Variants in RAG1 observed in about 807,000 individuals in gnomAD.
RAG1 encodes V(D)J recombination-activating protein 1.
Under a neutral mutation model 62.7 loss-of-function variants are expected in RAG1, and 35 were observed. The ratio of observed to expected loss-of-function variants is 0.56; its 90% confidence interval spans 0.43 to 0.74. RAG1 has a LOEUF of 0.74. RAG1 is among the 30% of genes least tolerant of loss of function. The pLI is 0.00. For synonymous variants in RAG1, 461 were observed against 470.3 expected, an observed-to-expected ratio of 0.98 and a Z score of 0.26; for missense variants, 1,169 against 1,278.6, an observed-to-expected ratio of 0.91 and a Z score of 1.31.
intron 2 of RAG1, among the ~76,000 whole-genome samples, chr11:36,526,429 C>A (rs1590665553): frequency 6.6e-6 from 1 of 152,196 alleles, no homozygotes; most frequent in East Asian, 1.9e-4. Flanking sequence ...TTTTTTATGG[C>A]TGCATAGTAT....
chr11:36,532,613 A>G (rs1241308388), intron 2 of RAG1, among the ~76,000 whole-genome samples: 1 of 152,224 alleles, frequency 6.6e-6, no homozygotes, highest in Non-Finnish European at 1.5e-5. Context: ...AATTCCAGAA[A>G]TAAACAATTT....
rs779316784 is a variant in RAG1 at position 36,579,132 on chromosome 11, A to G, written c.*2696A>G. ...GTGAACTGGAATTTAGTTTTGCCTC[A>G]GATTTTTTTCCCACAAGATACAGAA... On this transcript the variant is annotated 3_prime_UTR_variant, in exon 2 of 2. Transcript: ENST00000299440. The G allele has an allele frequency of 1.2e-5, 2 of 165,756 alleles. No individual in the cohort carries two copies. Among genetic ancestry groups the G allele is most frequent in the Non-Finnish European group, 3.0e-5 (2 of 67,586 alleles). 10.3% of individuals were successfully genotyped at this position (165,756 alleles called of 1,614,324 possible). A position where few individuals can be genotyped will look rare whatever the true frequency, so the allele number is the denominator to read the frequency against.
rs374699389 is a variant in RAG1 at position 36,574,156 on chromosome 11, A to G, written c.852A>G (p.Pro284=). 3.7e-6 allele frequency: 6 copies of G among 1,614,122 alleles called. No homozygotes were observed. In the African/African-American group the frequency reaches 8.0e-5, roughly 22 times the overall value. Residue 284 remains proline (P), a synonymous_variant, in exon 2 of 2, where the codon CCA becomes CCG. Transcript: ENST00000299440. ...CCAAGCTCCTTGCAGTGGACTTCCC[A>G]GAGCACTTTGTGAAATCCATCTCCT... The part of the protein sequence containing the change: ...LSTKLLAVDF[P]EHFVKSISCQ...
At chr11:36,558,530 T>C (rs1850535402) in intron 3 of RAG1, among the ~76,000 whole-genome samples, 1 of 152,208 alleles carries the variant, frequency 6.6e-6, no homozygotes, top group Non-Finnish European at 1.5e-5. Context: ...TGGTGCCATC[T>C]GTTTTTACAG....
chr11:36,548,924 T>G (rs1204322503), intron 3 of RAG1, among the ~76,000 whole-genome samples: 2 of 151,796 alleles, frequency 1.3e-5, no homozygotes, highest in Non-Finnish European at 2.9e-5. Flanking sequence ...CCAAAACAGG[T>G]ATATAGACCC....
chr11:36,541,479 G>C (rs1482231434), intron 3 of RAG1, among the ~76,000 whole-genome samples: 1 of 152,178 alleles, frequency 6.6e-6, no homozygotes, highest in Non-Finnish European at 1.5e-5. Flanking sequence ...TTTTGGGATG[G>C]AGAAAGTATC....
chr11:36,514,561 AT>A (rs1159212989), intron 1 of RAG1, among the ~76,000 whole-genome samples: 1 of 152,234 alleles, frequency 6.6e-6, no homozygotes, highest in Admixed American at 6.5e-5. Flanking sequence ...ACAACTCACC[AT>A]AATGTAGAAT....
At chr11:36,543,943 A>T (rs903094131) in intron 3 of RAG1, among the ~76,000 whole-genome samples, 1 of 152,232 alleles carries the variant, frequency 6.6e-6, no homozygotes, top group African/African-American at 2.4e-5. Flanking sequence ...CCAATTTAAT[A>T]GACATTAAAA....
chr11:36,566,697 T>A (rs1311859080), upstream of RAG1: 1 of 152,186 alleles, frequency 6.6e-6, no homozygotes, highest in Non-Finnish European at 1.5e-5. Flanking sequence ...GACCCTCAGG[T>A]AAAGGCTGCA....
At chr11:36,524,924 T>C (rs1403329211) in intron 2 of RAG1, among the ~76,000 whole-genome samples, 2 of 152,204 alleles carry the variant, frequency 1.3e-5, no homozygotes, top group Non-Finnish European at 2.9e-5. Flanking sequence ...TCTAATTGGA[T>C]TGTTAGTCTT....
downstream of RAG1, among the ~76,000 whole-genome samples, chr11:36,537,545 T>A (rs1404888924): frequency 6.6e-6 from 1 of 152,230 alleles, no homozygotes; most frequent in Non-Finnish European, 1.5e-5. Flanking sequence ...TATATTATCA[T>A]ACTTCCTTAT....
intron 2 of RAG1, among the ~76,000 whole-genome samples, chr11:36,522,190 C>G (rs751453135): frequency 2.6e-5 from 4 of 152,272 alleles, no homozygotes; most frequent in South Asian, 2.1e-4. Context: ...ATGTCAGAGG[C>G]CTTCGCAGCA....
chr11:36,514,516 T>G (rs571068328), intron 1 of RAG1, among the ~76,000 whole-genome samples: 1 of 152,224 alleles, frequency 6.6e-6, no homozygotes, highest in Non-Finnish European at 1.5e-5. Flanking sequence ...TTATTTCTAT[T>G]ATCATTACAT....
intron 3 of RAG1, among the ~76,000 whole-genome samples, chr11:36,544,008 A>T (rs1007241438): frequency 6.6e-6 from 1 of 152,222 alleles, no homozygotes; most frequent in African/African-American, 2.4e-5. Flanking sequence ...ATTCTCTCAT[A>T]GCCCTACCTG....
In RAG1 at chr11:36,575,769, C is replaced by T. The variant is rs1389160082; in HGVS notation, c.2465C>T (p.Pro822Leu). The change falls in exon 2 of 2, where the codon CCC becomes CTC. Residue 822 changes from proline (P) to leucine (L), a missense_variant. Around this residue, in one of 2 missense-constraint regions of RAG1, gnomAD observed 800 missense variants for 943.3 expected, o/e 0.85. Transcript: ENST00000299440. The surrounding 1 kb of genome is among the most constrained non-coding windows in gnomAD (Gnocchi z 4.1). Reference protein sequence around the residue: ...QLEIGEVYKNPNASKEERKRW... With the variant: ...QLEIGEVYKNLNASKEERKRW... Reference sequence around the variant, plus strand: ...GAGATAGGGGAAGTGTATAAGAATCCCAATGCTTCCAAAGAGGAAAGGAAA... The same window carrying T: ...GAGATAGGGGAAGTGTATAAGAATCTCAATGCTTCCAAAGAGGAAAGGAAA... 1.9e-6 allele frequency: 3 copies of T among 1,614,020 alleles called. No individual in the cohort carries two copies. In the African/African-American group the frequency reaches 4.0e-5, roughly 22 times the overall value.
At chr11:36,529,110 GA>G (rs1441356924) in intron 2 of RAG1, among the ~76,000 whole-genome samples, 1 of 152,004 alleles carries the variant, frequency 6.6e-6, no homozygotes, top group Non-Finnish European at 1.5e-5. Context: ...CCAATCAATA[GA>G]AAAAGAGAGA....
intron 3 of RAG1, among the ~76,000 whole-genome samples, chr11:36,546,670 GT>G (rs1271056338): frequency 2.0e-5 from 3 of 152,118 alleles, no homozygotes; most frequent in African/African-American, 7.2e-5. Flanking sequence ...TCTTCATAGT[GT>G]CAATGGACTT....
intron 2 of RAG1, among the ~76,000 whole-genome samples, chr11:36,523,443 C>A (rs992787861): frequency 3.9e-5 from 6 of 152,208 alleles, no homozygotes; most frequent in Non-Finnish European, 8.8e-5. Context: ...CCATGTGGAA[C>A]TGTAAGTCCA....
intron 2 of RAG1, among the ~76,000 whole-genome samples, chr11:36,530,871 G>A (rs1034525735): frequency 1.3e-5 from 2 of 151,886 alleles, no homozygotes; most frequent in Admixed American, 6.6e-5. Flanking sequence ...CCAATTTTCT[G>A]TCTAGGTATT....
Sources: gnomAD v4.1 joint callset for allele counts (sites outside exome capture counted in the v4.1 genomes callset) on GRCh38, gnomAD v4.1.1 for gene constraint, gnomAD v4.1.1 regional missense constraint, Gnocchi (gnomAD v3.1) non-coding constraint, MANE v1.5 for transcripts, NCBI Gene and HGNC (gene_info 2026-07-23, HGNC 2026-07-21) for gene names.